TENT4B: variants seen among roughly 807,000 people sequenced by gnomAD.
TENT4B encodes the protein terminal nucleotidyltransferase 4B.
Under a neutral mutation model 75.0 loss-of-function variants are expected in TENT4B, and 10 were observed. The observed-to-expected ratio is 0.13, with a 90% CI of 0.08 to 0.23. TENT4B has a LOEUF of 0.23. Ranked by LOEUF, TENT4B falls within the 10% of genes least tolerant of loss-of-function variation. TENT4B has a pLI of 1.00. For missense variants in TENT4B, 579 were observed against 893.8 expected, an observed-to-expected ratio of 0.65 and a Z score of 4.49; for synonymous variants, 350 against 357.7, an observed-to-expected ratio of 0.98 and a Z score of 0.24.
intron 1 of TENT4B, among the ~76,000 whole-genome samples, chr16:50,200,129 G>T (rs1391896547): frequency 6.6e-6 from 1 of 152,148 alleles, no homozygotes; most frequent in African/African-American, 2.4e-5. Flanking sequence ...ATAATGGGAG[G>T]CTGAGACAGG....
In TENT4B at chr16:50,201,451, C is replaced by T. The variant is rs574859030; in HGVS notation, c.639-9872C>T. On this transcript the variant is annotated intron_variant, in intron 1 of 11. Transcript: ENST00000561678. ...ACTTAGGAGGCTGAGGCATGAGAATCGATTGAACCTGGGAGGCAGAGGTTG... is the reference window on the plus strand; with the variant it reads ...ACTTAGGAGGCTGAGGCATGAGAATTGATTGAACCTGGGAGGCAGAGGTTG... 4.6e-5 allele frequency among the ~76,000 whole-genome samples: 7 copies of T among 151,780 alleles called. No homozygotes were observed. In the South Asian group the frequency reaches 8.3e-4, roughly 18 times the overall value.
intron 11 of TENT4B, 108 bp downstream of exon 11, chr16:50,228,111 G>A (rs2032139732): frequency 1.5e-6 from 2 of 1,336,906 alleles, no homozygotes; most frequent in East Asian, 2.5e-5. Flanking sequence ...CTAGATTGAA[G>A]AACAAACTTA....
rs2032259783 is a variant in TENT4B at position 50,230,588 on chromosome 16, G to A, written c.*1260G>A. The A allele has an allele frequency of 3.1e-6, 3 of 977,142 alleles. No homozygotes were observed. In the South Asian group the frequency reaches 1.4e-4, roughly 46 times the overall value. The allele number at this position is 977,142 out of a possible 1,614,324, so 60.5% of individuals were successfully genotyped here. ...TGGTCTTTGATAATGGATCTATTTT[G>A]TATTGCCTTATTAAGACCAAATACT... On this transcript the variant is annotated 3_prime_UTR_variant, in exon 12 of 12. Transcript: ENST00000561678.
At chr16:50,220,585 A>G (rs781683692) in intron 5 of TENT4B, among the ~76,000 whole-genome samples, 2 of 151,850 alleles carry the variant, frequency 1.3e-5, no homozygotes, top group Admixed American at 6.6e-5. Context: ...CTGGAGTGCA[A>G]TGGTGCGATC....
chr16:50,177,775 T>C (rs1172008008), intron 1 of TENT4B, among the ~76,000 whole-genome samples: 4 of 152,186 alleles, frequency 2.6e-5, no homozygotes, highest in African/African-American at 4.8e-5. Context: ...TGGATTTAAT[T>C]TTTTTTAGTT....
intron 1 of TENT4B, among the ~76,000 whole-genome samples, chr16:50,174,988 G>T (rs944583224): frequency 6.6e-6 from 1 of 151,688 alleles, no homozygotes; most frequent in African/African-American, 2.4e-5. Context: ...TGATCCACCC[G>T]CCTCAGCCTC....
chr16:50,210,657 G>A (rs527829062), intron 1 of TENT4B, among the ~76,000 whole-genome samples: 5 of 152,224 alleles, frequency 3.3e-5, no homozygotes, highest in African/African-American at 9.6e-5. Flanking sequence ...CATTTAAATA[G>A]CTATCTGTTG....
At chr16:50,197,476 A>G (rs1419221003) in intron 1 of TENT4B, among the ~76,000 whole-genome samples, 3 of 152,244 alleles carry the variant, frequency 2.0e-5, no homozygotes, top group African/African-American at 7.2e-5. Flanking sequence ...TTTTGTAGAC[A>G]TGGGGTTTTG....
Position 50,153,600 on chromosome 16 carries a change from G to T in TENT4B, c.-22G>T, listed in dbSNP as rs1457351048. 1.0e-6 allele frequency: 1 copy of T among 1,001,732 alleles called. No homozygotes were observed. Among genetic ancestry groups the T allele is most frequent in the Non-Finnish European group, 1.2e-6 (1 of 843,176 alleles). The allele number at this position is 1,001,732 out of a possible 1,614,324, so 62.1% of individuals were successfully genotyped here. A position where few individuals can be genotyped will look rare whatever the true frequency, so the allele number is the denominator to read the frequency against. On this transcript the variant is annotated 5_prime_UTR_variant, in exon 1 of 12. Transcript: ENST00000561678. The stretch of plus-strand genomic sequence containing the variant: ...CCCTGCGGGCGGCCGGGAGGGGCGG[G>T]GGCAGCGGCCGCCGCCGTTTGATGG...
At chr16:50,169,239 A>C (rs2150679530) in intron 1 of TENT4B, among the ~76,000 whole-genome samples, 2 of 152,254 alleles carry the variant, frequency 1.3e-5, no homozygotes, top group Admixed American at 1.3e-4. Context: ...TATTTGTTGA[A>C]GAAACCAAGC....
intron 5 of TENT4B, among the ~76,000 whole-genome samples, 160 bp from the exon 6 acceptor site, chr16:50,222,146 T>C (rs960669042): frequency 2.0e-5 from 3 of 152,324 alleles, no homozygotes; most frequent in Admixed American, 2.0e-4. Context: ...TCATTACCTA[T>C]AGTTTACTTT....
In TENT4B at chr16:50,226,297, T is replaced by C. The variant is rs529895244; in HGVS notation, c.1800+1012T>C. On this transcript the variant is annotated intron_variant, in intron 10 of 11. Transcript: ENST00000561678. ...ATTACAGGCGTGAGCCCAGCTGTTA[T>C]GACTTTTTAACACCATAGTTAGTTT... Among the ~76,000 whole-genome samples, 24 of 151,016 alleles carry C rather than the reference T, an allele frequency of 1.6e-4. No individual in the cohort carries two copies. In the South Asian group the frequency reaches 1.9e-3, roughly 12 times the overall value.
At chr16:50,159,079 C>G (rs368389627) in intron 1 of TENT4B, among the ~76,000 whole-genome samples, 2 of 152,104 alleles carry the variant, frequency 1.3e-5, no homozygotes, top group Non-Finnish European at 2.9e-5. Context: ...TCTTCACTGC[C>G]GTAGGGCAGT....
chr16:50,181,327 C>CTTTTT (rs1160792279), intron 1 of TENT4B, among the ~76,000 whole-genome samples: 36 of 144,158 alleles, frequency 2.5e-4, no homozygotes, highest in Non-Finnish European at 3.7e-4. Context: ...TGGATTTGAA[C>CTTTTT]TTTTTTTTTT....
intron 1 of TENT4B, among the ~76,000 whole-genome samples, chr16:50,183,328 GC>G (rs2150699000): frequency 6.6e-6 from 1 of 152,158 alleles, no homozygotes; most frequent in South Asian, 2.1e-4. Flanking sequence ...ACAGGTGTGA[GC>G]CACCGTGCCT....
At chr16:50,194,468 G>T (rs2030076598) in intron 1 of TENT4B, among the ~76,000 whole-genome samples, 1 of 151,980 alleles carries the variant, frequency 6.6e-6, no homozygotes, top group African/African-American at 2.4e-5. Context: ...ACCCGCCTCT[G>T]CCTCCCAAAG....
chr16:50,153,048 C>A, upstream of TENT4B: 2 of 1,488,630 alleles, frequency 1.3e-6, no homozygotes, highest in Non-Finnish European at 1.8e-6. Context: ...TGGGAGCACT[C>A]CACAGATGGC....
At chr16:50,222,681 A>G (rs1596750280) in intron 6 of TENT4B, among the ~76,000 whole-genome samples, 1 of 152,206 alleles carries the variant, frequency 6.6e-6, no homozygotes, top group East Asian at 1.9e-4. Context: ...TTTTCACTGC[A>G]AATTTTAACA....
At chr16:50,197,410 T>G (rs563578837) in intron 1 of TENT4B, among the ~76,000 whole-genome samples, 43 of 152,314 alleles carry the variant, frequency 2.8e-4, no homozygotes, top group African/African-American at 9.9e-4. Flanking sequence ...TGCCTCAGCC[T>G]CCTGCGTAGC....
Sources: gnomAD v4.1 joint callset for allele counts (sites outside exome capture counted in the v4.1 genomes callset) on GRCh38, gnomAD v4.1.1 for gene constraint, MANE v1.5 for transcripts, NCBI Gene and HGNC (gene_info 2026-07-23, HGNC 2026-07-21) for gene names.